TAS2R1: variants seen among roughly 807,000 people sequenced by gnomAD.
TAS2R1 encodes taste 2 receptor member 1.
For missense variants in TAS2R1, 370 were observed against 353.4 expected (o/e 1.05, Z -0.38); for synonymous variants, 141 against 134.2 (o/e 1.05, Z -0.35).
chr5:9,685,572 A>G (rs972747244), intron 1 of TAS2R1, among the ~76,000 whole-genome samples: 15 of 152,150 alleles, frequency 9.9e-5, no homozygotes, highest in African/African-American at 1.4e-4. Flanking sequence ...GTACTCAAAA[A>G]TTTAAAAACT....
At chr5:9,718,448 T>C in the TAS2R1 span, among the ~76,000 whole-genome samples, 2 of 152,128 alleles carry the variant, frequency 1.3e-5, no homozygotes, top group East Asian at 3.9e-4. Context: ...AACAGATACA[T>C]GGCCTAGAAC....
At chr5:9,641,782 T>A (rs1740090193) in intron 2 of TAS2R1, 1 of 152,234 alleles carries the variant, frequency 6.6e-6, no homozygotes, top group Non-Finnish European at 1.5e-5. Context: ...TATAAAATCC[T>A]TTTAGGTCTT....
chr5:9,679,662 T>C (rs1740956547), intron 1 of TAS2R1, among the ~76,000 whole-genome samples: 1 of 152,160 alleles, frequency 6.6e-6, no homozygotes, highest in African/African-American at 2.4e-5. Flanking sequence ...TTTCTCACTG[T>C]GGAAGTGAGA....
At chr5:9,689,561 C>T (rs41493) in intron 1 of TAS2R1, among the ~76,000 whole-genome samples, 143,676 of 152,170 alleles carry the variant, frequency 0.94, 68,443 homozygotes, top group Non-Finnish European at 1. Context: ...TTGGAAAATT[C>T]ATATCATTAT....
intron 1 of TAS2R1, among the ~76,000 whole-genome samples, chr5:9,700,947 A>G (rs1741199268): frequency 6.6e-6 from 1 of 152,146 alleles, no homozygotes; most frequent in African/African-American, 2.4e-5. Flanking sequence ...GGGAGTTAGG[A>G]CTGCAACATA....
At chr5:9,848,881 C>T in the TAS2R1 span, among the ~76,000 whole-genome samples, 1 of 152,146 alleles carries the variant, frequency 6.6e-6, no homozygotes, top group Non-Finnish European at 1.5e-5. Flanking sequence ...CCTGCTTAAC[C>T]GTTTTTTAAG....
At chr5:9,811,608 T>C in the TAS2R1 span, among the ~76,000 whole-genome samples, 4 of 152,182 alleles carry the variant, frequency 2.6e-5, no homozygotes, top group Admixed American at 2.6e-4. Flanking sequence ...TGGTTCTGAA[T>C]ACCTCGGAAC....
At chr5:9,742,485 C>G in the TAS2R1 span, among the ~76,000 whole-genome samples, 1 of 152,156 alleles carries the variant, frequency 6.6e-6, no homozygotes, top group Non-Finnish European at 1.5e-5. Flanking sequence ...CACATGGAAA[C>G]AGAAGAAACA....
At chr5:9,724,261 C>T in the TAS2R1 span, among the ~76,000 whole-genome samples, 2 of 152,046 alleles carry the variant, frequency 1.3e-5, no homozygotes, top group African/African-American at 4.8e-5. Context: ...AGCAAGGCAA[C>T]CTTTTTTTCT....
At chr5:9,697,199 G>C (rs1280005603) in intron 1 of TAS2R1, among the ~76,000 whole-genome samples, 1 of 151,346 alleles carries the variant, frequency 6.6e-6, no homozygotes, top group African/African-American at 2.4e-5. Flanking sequence ...ACAACCTCTT[G>C]AAACAAAAAA....
chr5:9,752,753 G>A, the TAS2R1 span, among the ~76,000 whole-genome samples: 36 of 144,094 alleles, frequency 2.5e-4, no homozygotes, highest in African/African-American at 9.1e-4. Flanking sequence ...CTGTGGCCAC[G>A]TGTTCTCATT....
At chr5:9,718,001 C>T in the TAS2R1 span, among the ~76,000 whole-genome samples, 2 of 152,118 alleles carry the variant, frequency 1.3e-5, no homozygotes, top group Non-Finnish European at 2.9e-5. Flanking sequence ...CACTCTGTTG[C>T]CACGCTGGAG....
chr5:9,754,972 A>T, the TAS2R1 span, among the ~76,000 whole-genome samples: 1 of 152,318 alleles, frequency 6.6e-6, no homozygotes, highest in Middle Eastern at 3.4e-3. Flanking sequence ...CTGGAGGTAA[A>T]GATATCATTT....
At chr5:9,649,878 T>C (rs1299829315) in intron 2 of TAS2R1, among the ~76,000 whole-genome samples, 2 of 152,168 alleles carry the variant, frequency 1.3e-5, no homozygotes, top group Admixed American at 1.3e-4. Flanking sequence ...TTTAAAATAA[T>C]AGGCATTTAT....
At chr5:9,849,059 G>A in the TAS2R1 span, among the ~76,000 whole-genome samples, 1 of 152,194 alleles carries the variant, frequency 6.6e-6, no homozygotes. Context: ...TGAGGAGCTG[G>A]GAGGAACCCT....
the TAS2R1 span, among the ~76,000 whole-genome samples, chr5:9,736,811 G>A: frequency 6.6e-6 from 1 of 152,032 alleles, no homozygotes; most frequent in Non-Finnish European, 1.5e-5. Flanking sequence ...CAAGTATTCT[G>A]GATACCCATG....
chr5:9,858,179 G>A, the TAS2R1 span, among the ~76,000 whole-genome samples: 6 of 152,042 alleles, frequency 3.9e-5, no homozygotes, highest in South Asian at 1.2e-3. Context: ...GCTGAGGCAG[G>A]CCTGAAGACT....
chr5:9,898,949 G>A, the TAS2R1 span, among the ~76,000 whole-genome samples: 8 of 152,176 alleles, frequency 5.3e-5, no homozygotes, highest in Non-Finnish European at 1.0e-4. Flanking sequence ...GATGGAGGTC[G>A]TTGAAGACGG....
At position 9,630,179 on chromosome 5, in the gene TAS2R1, T is replaced by C. The variant is rs981845545; in HGVS notation, c.-147A>G. On this transcript the variant is annotated 5_prime_UTR_variant, in exon 1 of 1. The change abolishes an upstream ATG in the 5' untranslated region. Coordinates refer to ENST00000382492, the MANE Select transcript of TAS2R1 (RefSeq NM_019599.3). ...GCATGGGGCAGGAAGGTGGTGTACA[T>C]TTGTTTATGTCACTGCTTTCTCTAT... is the stretch of plus-strand genomic sequence containing the variant. 1.7e-6 allele frequency: 1 copy of C among 599,180 alleles called. No individual in the cohort carries two copies. Among genetic ancestry groups the C allele is most frequent in the Non-Finnish European group, 2.8e-6 (1 of 358,058 alleles). 37.1% of individuals were successfully genotyped at this position (599,180 alleles called of 1,614,324 possible). A position where few individuals can be genotyped will look rare whatever the true frequency, so the allele number is the denominator to read the frequency against.
Sources: gnomAD v4.1 joint callset for allele counts (sites outside exome capture counted in the v4.1 genomes callset) on GRCh38, gnomAD v4.1.1 for gene constraint, MANE v1.5 for transcripts, NCBI Gene and HGNC (gene_info 2026-07-23, HGNC 2026-07-21) for gene names.